Variants in RAB31 observed in about 807,000 individuals in gnomAD.
RAB31 encodes ras-related protein Rab-31.
RAB31 carries 21 observed loss-of-function variants against 25.6 expected under a neutral mutation model. The observed-to-expected ratio is 0.82, with a 90% CI of 0.58 to 1.18. The LOEUF (loss-of-function observed/expected upper bound fraction) is 1.18, where lower values mean the gene tolerates loss of function less well. Among genes scored for constraint, RAB31 ranks in the 50% most tolerant of loss-of-function variants. The pLI is 0.00. For missense variants in RAB31, 196 were observed against 250.1 expected (o/e 0.78, Z 1.46); for synonymous variants, 87 against 84.0 (o/e 1.04, Z -0.20).
chr18:9,794,423 C>T (rs902937956), intron 3 of RAB31, among the ~76,000 whole-genome samples: 1 of 152,168 alleles, frequency 6.6e-6, no homozygotes, highest in African/African-American at 2.4e-5. Context: ...AATGGAAACA[C>T]ATCCTATGCT....
chr18:9,742,448 G>C (rs183841264), intron 1 of RAB31, among the ~76,000 whole-genome samples: 47 of 152,344 alleles, frequency 3.1e-4, no homozygotes, highest in Admixed American at 1.2e-3. Flanking sequence ...AGGGGCCTCA[G>C]TTCTCAGCGC....
intron 3 of RAB31, among the ~76,000 whole-genome samples, chr18:9,802,395 T>G (rs1052947577): frequency 1.3e-5 from 2 of 152,142 alleles, no homozygotes; most frequent in African/African-American, 4.8e-5. Flanking sequence ...AAGAGTTAGG[T>G]CAGGCACAGT....
At chr18:9,847,208 C>T (rs2143139244) in intron 6 of RAB31, among the ~76,000 whole-genome samples, 2 of 152,352 alleles carry the variant, frequency 1.3e-5, no homozygotes, top group Middle Eastern at 6.8e-3. Flanking sequence ...AACTCATTCT[C>T]TTCTGGTGGC....
intron 6 of RAB31, among the ~76,000 whole-genome samples, chr18:9,854,068 C>A (rs1202296526): frequency 6.6e-6 from 1 of 150,628 alleles, no homozygotes; most frequent in African/African-American, 2.4e-5. Context: ...CGTATCAACA[C>A]GTCATCTAGG....
chr18:9,778,628 G>A (rs765592340), intron 2 of RAB31, among the ~76,000 whole-genome samples: 13 of 152,128 alleles, frequency 8.5e-5, no homozygotes, highest in Non-Finnish European at 1.6e-4. Context: ...ACGCCACCAT[G>A]CCCAGCTAAT....
At chr18:9,810,031 A>G (rs1202144952) in intron 3 of RAB31, among the ~76,000 whole-genome samples, 1 of 152,220 alleles carries the variant, frequency 6.6e-6, no homozygotes, top group East Asian at 1.9e-4. Flanking sequence ...ACAAATAATC[A>G]CACACACTAA....
chr18:9,820,605 A>G (rs1028074633), intron 5 of RAB31, among the ~76,000 whole-genome samples: 1 of 152,012 alleles, frequency 6.6e-6, no homozygotes, highest in Non-Finnish European at 1.5e-5. Flanking sequence ...TTCTACATCA[A>G]CTTGATCTCC....
intron 1 of RAB31, among the ~76,000 whole-genome samples, chr18:9,735,809 A>C (rs1343746588): frequency 1.3e-5 from 2 of 152,204 alleles, no homozygotes; most frequent in African/African-American, 2.4e-5. Context: ...ATTTTGATGT[A>C]GAAAATCAGT....
At position 9,750,361 on chromosome 18, in the gene RAB31, G is replaced by A. The variant is rs998627091; in HGVS notation, c.40-24917G>A. Among the ~76,000 whole-genome samples the A allele has an allele frequency of 6.6e-5, 10 of 152,204 alleles. No homozygotes were observed. In the East Asian group the frequency reaches 7.7e-4, roughly 12 times the overall value. ...CCGGTTGACCCTGGCGTTCTTGGCC[G>A]CTGCCAATACAGTTTGCCATTTAGA... On this transcript the variant is annotated intron_variant, in intron 1 of 6. Coordinates refer to ENST00000578921, the MANE Select transcript of RAB31 (RefSeq NM_006868.4).
intron 1 of RAB31, among the ~76,000 whole-genome samples, chr18:9,762,441 T>C (rs758070153): frequency 2.0e-5 from 3 of 152,234 alleles, no homozygotes; most frequent in Non-Finnish European, 4.4e-5. Flanking sequence ...GGTGGGTGCC[T>C]GTATCACTCA....
At chr18:9,859,187 G>C in intron 6 of RAB31, 41 bp from the exon 7 acceptor site, 2 of 1,512,106 alleles carry the variant, frequency 1.3e-6, no homozygotes, top group Non-Finnish European at 9.2e-7. Flanking sequence ...AGTGTTGGCT[G>C]TAGGAAAGGG....
chr18:9,713,384 C>T (rs1436626916), intron 1 of RAB31, among the ~76,000 whole-genome samples: 1 of 152,116 alleles, frequency 6.6e-6, no homozygotes, highest in East Asian at 1.9e-4. Flanking sequence ...CTAAATTGAA[C>T]CATTTGTGGA....
chr18:9,836,868 G>GAACGGGGTGAAA (rs1286580673), intron 5 of RAB31, among the ~76,000 whole-genome samples: 33 of 150,636 alleles, frequency 2.2e-4, no homozygotes, highest in Non-Finnish European at 4.3e-4. Context: ...AGTGTGTGAG[G>GAACGGGGTGAAA]CATGGGGTGA....
intron 6 of RAB31, among the ~76,000 whole-genome samples, chr18:9,855,690 T>A (rs1170137441): frequency 6.6e-6 from 1 of 152,178 alleles, no homozygotes; most frequent in Non-Finnish European, 1.5e-5. Flanking sequence ...CCGGCCTCAT[T>A]GTTATGATCT....
rs150445800 is a variant in RAB31, at chr18:9,737,617, G to A, written c.39+29173G>A. On this transcript the variant is annotated intron_variant, in intron 1 of 6. Coordinates refer to ENST00000578921, the MANE Select transcript of RAB31 (RefSeq NM_006868.4). ...TGCGGCTCTTCTGCAGAAATGAGTC[G>A]CCACAGTGAATTGCTTGTGTTTATT... is the stretch of plus-strand genomic sequence containing the variant. Among the ~76,000 whole-genome samples the A allele has an allele frequency of 3.5e-3, 538 of 152,230 alleles. 2 individuals are homozygous for A. Among genetic ancestry groups the A allele is most frequent in the African/African-American group, 0.013 (520 of 41,532 alleles).
chr18:9,811,121 G>C (rs565229558), intron 3 of RAB31, among the ~76,000 whole-genome samples: 23 of 152,302 alleles, frequency 1.5e-4, no homozygotes, highest in Admixed American at 9.8e-4. Context: ...AAATGTCGCT[G>C]TCCCCAAGTG....
intron 5 of RAB31, among the ~76,000 whole-genome samples, chr18:9,831,864 T>C (rs1417375743): frequency 6.6e-6 from 1 of 152,174 alleles, no homozygotes; most frequent in Non-Finnish European, 1.5e-5. Flanking sequence ...TTGTTTGTGT[T>C]AGAGACAGAA....
At chr18:9,709,656 T>C (rs752104601) in intron 1 of RAB31, among the ~76,000 whole-genome samples, 23 of 152,330 alleles carry the variant, frequency 1.5e-4, no homozygotes, top group Middle Eastern at 3.4e-3. Flanking sequence ...ATTGTCCGGT[T>C]GGCTTAGAAT....
intron 1 of RAB31, among the ~76,000 whole-genome samples, chr18:9,730,074 C>A (rs1415634168): frequency 6.6e-6 from 1 of 152,154 alleles, no homozygotes; most frequent in Non-Finnish European, 1.5e-5. Flanking sequence ...GGAACATAAT[C>A]TGAGCCATTC....
Sources: allele counts gnomAD v4.1 joint callset (sites outside exome capture counted in the v4.1 genomes callset), GRCh38; gene constraint gnomAD v4.1.1; transcripts MANE v1.5; gene names NCBI Gene and HGNC (gene_info 2026-07-23, HGNC 2026-07-21).